Variants in CRACD observed in about 807,000 individuals in gnomAD.
CRACD encodes capping protein-inhibiting regulator of actin dynamics.
In CRACD, 56 loss-of-function variants were observed where a neutral mutation model predicts 106.8. That is an observed-to-expected ratio of 0.52 (90% CI 0.42 to 0.66). The LOEUF (loss-of-function observed/expected upper bound fraction) is 0.66. Ranked by LOEUF, CRACD falls within the 30% of genes least tolerant of loss-of-function variation. The pLI, the probability that CRACD is intolerant of heterozygous loss-of-function variation, is 0.00. For synonymous variants in CRACD, 754 were observed against 670.8 expected, an observed-to-expected ratio of 1.12 and a Z score of -1.92; for missense variants, 1,730 against 1,623.2, an observed-to-expected ratio of 1.07 and a Z score of -1.13.
chr4:56,280,017 A>T (rs1416404619), intron 3 of CRACD, among the ~76,000 whole-genome samples: 35 of 151,820 alleles, frequency 2.3e-4, no homozygotes, highest in Non-Finnish European at 4.6e-4. Flanking sequence ...GCTGGAAACC[A>T]TCATTCTCAG....
intron 3 of CRACD, among the ~76,000 whole-genome samples, 158 bp downstream of exon 3, chr4:56,272,650 G>A (rs1202078530): frequency 6.6e-6 from 1 of 152,104 alleles, no homozygotes; most frequent in Non-Finnish European, 1.5e-5. Context: ...CAACGCTTTG[G>A]GAGGCCGAGG....
chr4:56,260,282 G>A (rs1464483459), intron 2 of CRACD, among the ~76,000 whole-genome samples: 1 of 152,194 alleles, frequency 6.6e-6, no homozygotes, highest in Non-Finnish European at 1.5e-5. Context: ...TATTTAAGTT[G>A]CAGAATATCA....
intron 2 of CRACD, among the ~76,000 whole-genome samples, chr4:56,180,308 G>A (rs139813893): frequency 0.012 from 1,783 of 152,018 alleles, 39 homozygotes; most frequent in African/African-American, 0.039. Flanking sequence ...TGGCCAACAC[G>A]GTGAAACCCC....
At chr4:56,270,333 G>A (rs375068190) in intron 2 of CRACD, among the ~76,000 whole-genome samples, 29 of 152,100 alleles carry the variant, frequency 1.9e-4, no homozygotes, top group East Asian at 1.3e-3. Flanking sequence ...TGAGATTACA[G>A]GCGTGAGCCA....
intron 1 of CRACD, 119 bp from the exon 2 acceptor site, chr4:56,179,165 G>C (rs915591138): frequency 4.6e-5 from 7 of 152,140 alleles, no homozygotes; most frequent in Admixed American, 2.0e-4. Flanking sequence ...TCATGGAGGG[G>C]GAAGAAACCT....
chr4:56,268,119 C>T (rs952866835), intron 2 of CRACD, among the ~76,000 whole-genome samples: 39 of 152,166 alleles, frequency 2.6e-4, no homozygotes, highest in African/African-American at 9.4e-4. Context: ...CCTCATCAAC[C>T]CTCTTAGCTG....
intron 1 of CRACD, among the ~76,000 whole-genome samples, chr4:56,114,583 AT>A (rs1233900220): frequency 6.6e-6 from 1 of 151,548 alleles, no homozygotes; most frequent in Non-Finnish European, 1.5e-5. Flanking sequence ...CCTTTTCTTA[AT>A]TTTTTTTTCT....
chr4:56,119,991 C>G (rs1734431616), intron 1 of CRACD, among the ~76,000 whole-genome samples: 1 of 152,188 alleles, frequency 6.6e-6, no homozygotes, highest in Admixed American at 6.5e-5. Flanking sequence ...TTGCACTACC[C>G]CTTGTCGTTT....
At chr4:56,201,943 G>T (rs1432598300) in intron 2 of CRACD, among the ~76,000 whole-genome samples, 1 of 152,192 alleles carries the variant, frequency 6.6e-6, no homozygotes, top group Non-Finnish European at 1.5e-5. Context: ...ATTTGCAATA[G>T]TAAGAAGTTG....
chr4:56,302,718 A>T (rs1304259756), intron 4 of CRACD, among the ~76,000 whole-genome samples: 2 of 152,064 alleles, frequency 1.3e-5, no homozygotes, highest in Non-Finnish European at 2.9e-5. Flanking sequence ...CAGCAACTTT[A>T]CTTATTTATT....
chr4:56,141,063 T>A (rs1366339886), intron 1 of CRACD, among the ~76,000 whole-genome samples: 1 of 152,202 alleles, frequency 6.6e-6, no homozygotes, highest in Non-Finnish European at 1.5e-5. Context: ...GGCTTGTGGA[T>A]TGGAATACCT....
Position 56,315,622 on chromosome 4 carries a change from G to T in CRACD, c.2120G>T (p.Gly707Val), listed in dbSNP as rs766815361. 2 of 1,614,200 alleles carry T rather than the reference G, an allele frequency of 1.2e-6. No homozygotes were observed. The highest frequency in any genetic ancestry group is 2.2e-5 in the South Asian group (2 of 91,088). The part of the protein sequence containing the change: ...STPRGRCDSR[G>V]NQRKTPPVNA... ...CCCAGGGGCCGGTGTGATTCCCGCG[G>T]GAACCAACGGAAGACTCCGCCAGTC... Residue 707 changes from glycine (G) to valine (V), a missense_variant, in exon 8 of 11, where the codon GGG becomes GTG. This residue lies in a region of CRACD where 1,620 missense variants were observed against 1,481.6 expected (regional missense o/e 1.09). Transcript: ENST00000682029. The surrounding 1 kb of genome is among the most constrained non-coding windows in gnomAD (Gnocchi z 4.1).
At chr4:56,056,802 G>T (rs1251430438) in intron 1 of CRACD, among the ~76,000 whole-genome samples, 3 of 152,042 alleles carry the variant, frequency 2.0e-5, no homozygotes, top group African/African-American at 7.2e-5. Context: ...GCTGGGCCTG[G>T]TGGCTCATGC....
In CRACD at chr4:56,313,291, C is replaced by T; in HGVS notation, c.449C>T (p.Ala150Val). The T allele has an allele frequency of 6.2e-7, 1 of 1,614,230 alleles. No individual in the cohort carries two copies. Among genetic ancestry groups the T allele is most frequent in the Non-Finnish European group, 8.5e-7 (1 of 1,180,042 alleles). ...TTAGATGCCATCCCCCTGGCCATCG[C>T]TCGCCTGGACAACAGTGCCGCCAAG... ...VNLDAIPLAI[A>V]RLDNSAAKHK... Residue 150 changes from alanine to valine, a missense_variant, in exon 7 of 11, where the codon GCT (alanine) becomes GTT (valine). Physicochemically the swap from Ala to Val is moderately conservative, Grantham distance 64. This residue lies in a region of CRACD where 1,620 missense variants were observed against 1,481.6 expected (regional missense o/e 1.09). Transcript: ENST00000682029.
chr4:56,205,717 A>G lies in CRACD; in HGVS notation c.-189+26287A>G, dbSNP rs75901225. Reference sequence around the variant, plus strand: ...GTTCCTGAACTGCTGGGCTCAAGTGATCCTCTCGCTTCAGCCTCCCAAAGT... The same window carrying G: ...GTTCCTGAACTGCTGGGCTCAAGTGGTCCTCTCGCTTCAGCCTCCCAAAGT... On this transcript the variant is annotated intron_variant, in intron 2 of 10. Coordinates refer to ENST00000682029, the MANE Select transcript of CRACD (RefSeq NM_001393381.1). 2.3e-3 allele frequency among the ~76,000 whole-genome samples: 350 copies of G among 152,228 alleles called. 3 individuals carry two copies. The highest frequency in any genetic ancestry group is 8.2e-3 in the African/African-American group (341 of 41,540).
chr4:56,237,733 C>T (rs1168784128), intron 2 of CRACD, among the ~76,000 whole-genome samples: 1 of 149,620 alleles, frequency 6.7e-6, no homozygotes, highest in Non-Finnish European at 1.5e-5. Context: ...CACACACACA[C>T]ACACACACAC....
At chr4:56,190,938 T>A (rs1737342051) in intron 2 of CRACD, among the ~76,000 whole-genome samples, 1 of 152,108 alleles carries the variant, frequency 6.6e-6, no homozygotes, top group South Asian at 2.1e-4. Context: ...ACCCCCATGA[T>A]GCAATCACCT....
At chr4:56,192,103 G>T (rs1158150011) in intron 2 of CRACD, among the ~76,000 whole-genome samples, 2 of 152,032 alleles carry the variant, frequency 1.3e-5, no homozygotes, top group African/African-American at 4.8e-5. Context: ...ATTCAAGAAG[G>T]TATACTGGCC....
chr4:56,282,801 G>C (rs181700238), intron 3 of CRACD, among the ~76,000 whole-genome samples: 6 of 152,320 alleles, frequency 3.9e-5, no homozygotes, highest in Admixed American at 6.5e-5. Context: ...TGAATGAGGA[G>C]AACTTTCTCA....
Sources: allele counts gnomAD v4.1 joint callset (sites outside exome capture counted in the v4.1 genomes callset), GRCh38; gene constraint gnomAD v4.1.1; regional missense constraint gnomAD v4.1.1; non-coding constraint Gnocchi (gnomAD v3.1); transcripts MANE v1.5; gene names NCBI Gene and HGNC (gene_info 2026-07-23, HGNC 2026-07-21).